Variants in SLC5A7 observed in about 807,000 individuals in gnomAD.
The protein encoded by SLC5A7 is high affinity choline transporter 1.
A neutral mutation model predicts 55.4 loss-of-function variants in SLC5A7; 19 were observed. The ratio of observed to expected loss-of-function variants is 0.34; its 90% confidence interval spans 0.24 to 0.50. The LOEUF is 0.50. Ranked by LOEUF, SLC5A7 falls within the 20% of genes least tolerant of loss-of-function variation. The probability of loss-of-function intolerance (pLI) is 0.98; values close to 1 mark genes in which losing one functional copy is unlikely to be tolerated. For missense variants in SLC5A7, 506 were observed against 705.3 expected, an observed-to-expected ratio of 0.72 and a Z score of 3.20; for synonymous variants, 265 against 263.7, an observed-to-expected ratio of 1.00 and a Z score of -0.05.
Position 107,993,654 on chromosome 2 carries a change from C to G in SLC5A7, c.448+527C>G, listed in dbSNP as rs1448879584. Among the ~76,000 whole-genome samples the G allele has an allele frequency of 3.3e-5, 5 of 152,208 alleles. No individual in the cohort carries two copies. In the East Asian group the frequency reaches 9.6e-4, roughly 29 times the overall value. ...TAACTGCCATGTTAATTGGCATAAA[C>G]ACAGATATAAAACTACCTAAACTCC... On this transcript the variant is annotated intron_variant, in intron 4 of 8. Transcript: ENST00000264047.
At chr2:107,987,537 T>C (rs1407640044) in intron 1 of SLC5A7, among the ~76,000 whole-genome samples, 2 of 152,222 alleles carry the variant, frequency 1.3e-5, no homozygotes, top group African/African-American at 4.8e-5. Context: ...GAGTTTGATG[T>C]GTTTTTGAAA....
intron 2 of SLC5A7, among the ~76,000 whole-genome samples, chr2:107,990,496 T>C (rs1677414224): frequency 6.6e-6 from 1 of 152,082 alleles, no homozygotes; most frequent in African/African-American, 2.4e-5. Context: ...CTTCAGCTCA[T>C]GGTTACACAC....
At chr2:107,999,834 C>T (rs1185500716) in intron 5 of SLC5A7, among the ~76,000 whole-genome samples, 1 of 152,000 alleles carries the variant, frequency 6.6e-6, no homozygotes, top group Non-Finnish European at 1.5e-5. Context: ...TTTTTAGTAC[C>T]GATATTTTTT....
chr2:108,009,562 G>A (rs1678238225), intron 8 of SLC5A7, among the ~76,000 whole-genome samples: 1 of 152,086 alleles, frequency 6.6e-6, no homozygotes, highest in Admixed American at 6.6e-5. Flanking sequence ...ACCATGTGGT[G>A]TTTGGTTTTC....
intron 4 of SLC5A7, 105 bp from the exon 5 acceptor site, chr2:107,997,733 A>T: frequency 8.5e-7 from 1 of 1,179,530 alleles, no homozygotes; most frequent in Non-Finnish European, 1.1e-6. Flanking sequence ...ATTTCATATG[A>T]CAGAGAGAAA....
At chr2:108,000,641 C>T (rs1677850724) in intron 5 of SLC5A7, among the ~76,000 whole-genome samples, 2 of 152,038 alleles carry the variant, frequency 1.3e-5, no homozygotes, top group Non-Finnish European at 2.9e-5. Context: ...GTCAGCCAGG[C>T]TGGAGTGCAG....
chr2:108,009,592 T>C (rs1678239015), intron 8 of SLC5A7, among the ~76,000 whole-genome samples: 1 of 152,200 alleles, frequency 6.6e-6, no homozygotes, highest in Admixed American at 6.5e-5. Flanking sequence ...GCTAGTTTGC[T>C]GAGGATGATG....
At chr2:107,999,078 A>G (rs1434255032) in intron 5 of SLC5A7, among the ~76,000 whole-genome samples, 2 of 152,182 alleles carry the variant, frequency 1.3e-5, no homozygotes, top group Admixed American at 1.3e-4. Flanking sequence ...AGCAAAGATT[A>G]TAGTATTTTC....
intron 5 of SLC5A7, among the ~76,000 whole-genome samples, chr2:108,001,209 A>ATG (rs141690168): frequency 0.031 from 4,686 of 150,108 alleles, 216 homozygotes; most frequent in African/African-American, 0.097. Context: ...CTATTTATGT[A>ATG]TGTGTGTGTG....
intron 5 of SLC5A7, among the ~76,000 whole-genome samples, chr2:107,998,322 C>T (rs1677758365): frequency 6.6e-6 from 1 of 152,080 alleles, no homozygotes; most frequent in Non-Finnish European, 1.5e-5. Flanking sequence ...AAATTCAAAC[C>T]TTAGTGGTAA....
In SLC5A7 at chr2:107,987,637, G is replaced by T. The variant is rs573926504; in HGVS notation, c.-51-468G>T. On this transcript the variant is annotated intron_variant, in intron 1 of 8. Transcript: ENST00000264047. ...AAGTTGTTTGAAAGGACAGATAAAA[G>T]AATGAATAAATTAATGAATATTTTA... is the stretch of plus-strand genomic sequence containing the variant. Among the ~76,000 whole-genome samples, 5 of 152,244 alleles carry T rather than the reference G, an allele frequency of 3.3e-5. No homozygotes were observed. In the South Asian group the frequency reaches 8.3e-4, roughly 25 times the overall value.
intron 4 of SLC5A7, among the ~76,000 whole-genome samples, chr2:107,996,250 T>C (rs1225092117): frequency 6.6e-6 from 1 of 152,152 alleles, no homozygotes; most frequent in Non-Finnish European, 1.5e-5. Context: ...TTTTCAAATA[T>C]CTATAAAACA....
Position 108,006,277 on chromosome 2 carries a change from C to G in SLC5A7, c.895+75C>G, listed in dbSNP as rs918567832. ...CACCCAGACACCCTTCTGTCCCACT[C>G]CCCTCTTTCCTCCACATAGTGAATT... On this transcript the variant is annotated intron_variant, in intron 7 of 8. Transcript: ENST00000264047. 1.1e-5 allele frequency: 17 copies of G among 1,517,890 alleles called. No individual in the cohort carries two copies. In the Admixed American group the frequency reaches 1.9e-4, roughly 17 times the overall value. The allele number at this position is 1,517,890 out of a possible 1,614,324, so 94.0% of individuals were successfully genotyped here.
In SLC5A7 at chr2:107,988,240, A is replaced by ATT; in HGVS notation, c.85_86insTT (p.Thr29IlefsTer16). 6.2e-7 allele frequency: 1 copy of ATT among 1,614,152 alleles called. No homozygotes were observed. Among genetic ancestry groups the ATT allele is most frequent in the Non-Finnish European group, 8.5e-7 (1 of 1,179,982 alleles). On this transcript the variant is annotated frameshift_variant, in exon 2 of 9. Coordinates refer to ENST00000264047, the MANE Select transcript of SLC5A7 (RefSeq NM_021815.5). LOFTEE classifies it high-confidence loss of function. ...GGTTGGAATATGGGCTGCCTGGAGA[A>ATT]CCAAAAACAGTGGCAGCGCAGAAGA...
chr2:107,998,344 C>T (rs1677759341), intron 5 of SLC5A7, among the ~76,000 whole-genome samples: 1 of 152,148 alleles, frequency 6.6e-6, no homozygotes, highest in Admixed American at 6.5e-5. Flanking sequence ...TTGTACAAGT[C>T]TCCCTTTACG....
In SLC5A7 at chr2:108,006,213, T is replaced by C; in HGVS notation, c.895+11T>C. 6.2e-7 allele frequency: 1 copy of C among 1,613,580 alleles called. No homozygotes were observed. Among genetic ancestry groups the C allele is most frequent in the Non-Finnish European group, 8.5e-7 (1 of 1,179,814 alleles). On this transcript the variant is annotated intron_variant, in intron 7 of 8. Coordinates refer to ENST00000264047, the MANE Select transcript of SLC5A7 (RefSeq NM_021815.5). The stretch of plus-strand genomic sequence containing the variant: ...TTGGAGCATCAACAGGTAAATCTCT[T>C]GCAGCTTCACCACATGTGCCAGTTA...
At chr2:108,008,800 G>T in intron 8 of SLC5A7, 118 bp downstream of exon 8, 2 of 682,614 alleles carry the variant, frequency 2.9e-6, no homozygotes, top group Non-Finnish European at 4.4e-6. Flanking sequence ...AAATCTGACT[G>T]TACTTTAAGC....
chr2:108,002,997 A>G (rs776140791), intron 6 of SLC5A7, among the ~76,000 whole-genome samples: 1 of 152,192 alleles, frequency 6.6e-6, no homozygotes, highest in Non-Finnish European at 1.5e-5. Flanking sequence ...TTCTAGCATT[A>G]CCTCAACACT....
intron 5 of SLC5A7, among the ~76,000 whole-genome samples, chr2:108,001,501 G>T (rs1172701337): frequency 6.6e-6 from 1 of 151,120 alleles, no homozygotes; most frequent in Non-Finnish European, 1.5e-5. Context: ...GTGAAACCCC[G>T]TCTCTACTAA....
Sources: allele counts gnomAD v4.1 joint callset (sites outside exome capture counted in the v4.1 genomes callset), GRCh38; gene constraint gnomAD v4.1.1; transcripts MANE v1.5; gene names NCBI Gene and HGNC (gene_info 2026-07-23, HGNC 2026-07-21).